Variants in KCNG3 observed in about 807,000 individuals in gnomAD.
KCNG3 encodes potassium voltage-gated channel modifier subfamily G member 3, also known as voltage-gated potassium channel regulatory subunit KCNG3.
A neutral mutation model predicts 29.0 loss-of-function variants in KCNG3; 15 were observed. The ratio of observed to expected loss-of-function variants is 0.52; its 90% CI spans 0.35 to 0.80. KCNG3 has a LOEUF of 0.80. KCNG3 is among the 30% of genes least tolerant of loss of function. KCNG3 has a pLI of 0.01. For synonymous variants in KCNG3, 322 were observed against 248.9 expected (o/e 1.29, Z -2.76); for missense variants, 512 against 605.7 (o/e 0.85, Z 1.62).
At chr2:42,469,321 G>A (rs988190685) in intron 1 of KCNG3, among the ~76,000 whole-genome samples, 1 of 151,400 alleles carries the variant, frequency 6.6e-6, no homozygotes, top group African/African-American at 2.4e-5. Flanking sequence ...GGAGGCCGAG[G>A]CAGAAGAATC....
At chr2:42,490,737 T>C (rs1673850320) in intron 1 of KCNG3, among the ~76,000 whole-genome samples, 2 of 152,230 alleles carry the variant, frequency 1.3e-5, no homozygotes, top group South Asian at 4.1e-4. Context: ...GTAAAGAGCC[T>C]TGAAGGCCAA....
At position 42,444,719 on chromosome 2, in the gene KCNG3, A is replaced by ACAT. The variant is rs1414307134; in HGVS notation, c.666-143_666-141dup. On this transcript the variant is annotated intron_variant, in intron 1 of 1. Transcript: ENST00000306078. The surrounding 1 kb of genome is among the most constrained non-coding windows in gnomAD (Gnocchi z 5.8). The stretch of plus-strand genomic sequence containing the variant: ...ACATAAAGAACAGACAACATTAGCA[A>ACAT]CATCATCAGACCACCAGGATGCACG... The ACAT allele has an allele frequency of 2.2e-5, 16 of 713,420 alleles. No individual in the cohort carries two copies. The highest frequency in any genetic ancestry group is 5.4e-5 in the African/African-American group (3 of 55,992). The allele number at this position is 713,420 out of a possible 1,614,324, so 44.2% of individuals were successfully genotyped here.
At chr2:42,475,080 G>C (rs930690993) in intron 1 of KCNG3, among the ~76,000 whole-genome samples, 1 of 152,122 alleles carries the variant, frequency 6.6e-6, no homozygotes, top group Non-Finnish European at 1.5e-5. Flanking sequence ...AGGTTTAAAA[G>C]GACCTACTGT....
intron 1 of KCNG3, among the ~76,000 whole-genome samples, chr2:42,475,151 A>C (rs1045866059): frequency 1.3e-5 from 2 of 152,162 alleles, no homozygotes; most frequent in Admixed American, 6.6e-5. Flanking sequence ...AACAACAAAA[A>C]ATAGGCTTAC....
intron 1 of KCNG3, among the ~76,000 whole-genome samples, chr2:42,452,220 A>AATATATAT (rs869226338): frequency 2.0e-4 from 21 of 104,656 alleles, no homozygotes; most frequent in South Asian, 3.1e-4. Flanking sequence ...TGGGGTGGTA[A>AATATATAT]ATATATATAT....
intron 1 of KCNG3, among the ~76,000 whole-genome samples, chr2:42,471,188 A>G (rs201216770): frequency 0.38 from 41,701 of 108,702 alleles, 6,997 homozygotes; most frequent in East Asian, 0.65. Context: ...GTGTGTGTAT[A>G]TATATATATA....
chr2:42,438,214 G>A (rs1274991759), downstream of KCNG3, among the ~76,000 whole-genome samples: 1 of 152,088 alleles, frequency 6.6e-6, no homozygotes, highest in Non-Finnish European at 1.5e-5. Context: ...AGGAGTTTGA[G>A]ACCAGCCTGT....
intron 1 of KCNG3, among the ~76,000 whole-genome samples, chr2:42,488,697 C>G (rs972244627): frequency 6.6e-6 from 1 of 151,900 alleles, no homozygotes; most frequent in Non-Finnish European, 1.5e-5. Flanking sequence ...TTGCAGTCAC[C>G]CACCACCACG....
downstream of KCNG3, among the ~76,000 whole-genome samples, chr2:42,437,464 A>G (rs1408131040): frequency 6.6e-6 from 1 of 152,198 alleles, no homozygotes; most frequent in Non-Finnish European, 1.5e-5. Context: ...CAAAACATCT[A>G]AAGTTTCTAC....
At chr2:42,447,634 G>A (rs570944113) in intron 1 of KCNG3, among the ~76,000 whole-genome samples, 1 of 151,932 alleles carries the variant, frequency 6.6e-6, no homozygotes, top group East Asian at 1.9e-4. Context: ...TCCCACCTCA[G>A]GCTCCCAAGT....
the KCNG3 span, among the ~76,000 whole-genome samples, chr2:42,410,110 A>G: frequency 2.0e-5 from 3 of 152,064 alleles, no homozygotes; most frequent in African/African-American, 7.2e-5. Flanking sequence ...TAATTCCTGG[A>G]GATCTTGCCA....
At chr2:42,464,167 CAG>C (rs1673086743) in intron 1 of KCNG3, among the ~76,000 whole-genome samples, 1 of 152,184 alleles carries the variant, frequency 6.6e-6, no homozygotes, top group Non-Finnish European at 1.5e-5. Flanking sequence ...GTGCTCAACT[CAG>C]ATTATTCTTA....
the KCNG3 span, among the ~76,000 whole-genome samples, chr2:42,417,523 T>C: frequency 1.3e-5 from 2 of 152,104 alleles, no homozygotes; most frequent in African/African-American, 4.8e-5. Flanking sequence ...GGTTTCACTA[T>C]GTTGCCCAGG....
chr2:42,468,798 CA>C (rs1236219874), intron 1 of KCNG3, among the ~76,000 whole-genome samples: 1 of 151,160 alleles, frequency 6.6e-6, no homozygotes, highest in African/African-American at 2.4e-5. Context: ...ACTAAAAATA[CA>C]AAAAAATTAG....
At chr2:42,467,688 A>C (rs1436679622) in intron 1 of KCNG3, among the ~76,000 whole-genome samples, 3 of 146,222 alleles carry the variant, frequency 2.1e-5, no homozygotes, top group Non-Finnish European at 4.5e-5. Flanking sequence ...AAAAAATTAG[A>C]ACCATGTGTG....
chr2:42,444,556 C>G lies in KCNG3; in HGVS notation c.689G>C (p.Gly230Ala). 1 of 1,611,520 alleles carries G rather than the reference C, an allele frequency of 6.2e-7. No individual in the cohort carries two copies. Among genetic ancestry groups the G allele is most frequent in the East Asian group, 2.2e-5 (1 of 44,844 alleles). ...PSGIIEAICI[G>A]WFTAECIVRF... is the part of the protein sequence containing the mutation. The stretch of plus-strand genomic sequence containing the variant: ...CACGATGCACTCGGCAGTGAACCAA[C>G]CTATGCAGATAGCTTCAATTATCCT... Residue 230 changes from glycine (G) to alanine (A), a missense_variant, in exon 2 of 2, where the codon GGT (glycine) becomes GCT (alanine). By Grantham distance (60) the Gly-to-Ala change is moderately conservative (BLOSUM62 0). Around this residue, in one of 5 missense-constraint regions of KCNG3, gnomAD observed 173 missense variants for 262.4 expected, o/e 0.66. Coordinates refer to ENST00000306078, the MANE Select transcript of KCNG3 (RefSeq NM_133329.6). The surrounding 1 kb of genome is among the most constrained non-coding windows in gnomAD (Gnocchi z 5.8).
At chr2:42,459,747 C>T (rs1317245310) in intron 1 of KCNG3, among the ~76,000 whole-genome samples, 2 of 152,050 alleles carry the variant, frequency 1.3e-5, no homozygotes, top group African/African-American at 2.4e-5. Flanking sequence ...GAGGTCAAGG[C>T]GGGTGGATCA....
chr2:42,388,392 T>C, the KCNG3 span: 2 of 152,196 alleles, frequency 1.3e-5, no homozygotes, highest in African/African-American at 4.8e-5. Flanking sequence ...AATAAAGCAA[T>C]TGATATTCAC....
intron 1 of KCNG3, among the ~76,000 whole-genome samples, chr2:42,455,538 A>G (rs1165881510): frequency 6.6e-6 from 1 of 152,202 alleles, no homozygotes; most frequent in East Asian, 1.9e-4. Context: ...AGGCAGGAGA[A>G]CTGCTTGAGC....
Sources: allele counts gnomAD v4.1 joint callset (sites outside exome capture counted in the v4.1 genomes callset), GRCh38; gene constraint gnomAD v4.1.1; regional missense constraint gnomAD v4.1.1; non-coding constraint Gnocchi (gnomAD v3.1); transcripts MANE v1.5; gene names NCBI Gene and HGNC (gene_info 2026-07-23, HGNC 2026-07-21).